The following RGS6 variants were observed in gnomAD, a reference collection of about 807,000 sequenced individuals.
RGS6 encodes regulator of G protein signaling 6.
Under a neutral mutation model 78.5 loss-of-function variants are expected in RGS6, and 30 were observed. The observed-to-expected ratio is 0.38, with a 90% CI of 0.29 to 0.52. The LOEUF (loss-of-function observed/expected upper bound fraction) is 0.52, where lower values mean the gene tolerates loss of function less well. Among genes scored for constraint, RGS6 ranks in the 20% least tolerant of loss-of-function variants. The pLI is 0.85. For synonymous variants in RGS6, 206 were observed against 206.0 expected (o/e 1.00, Z 0.00); for missense variants, 495 against 609.7 (o/e 0.81, Z 1.98).
At chr14:72,059,303 G>A (rs2093773830) in intron 2 of RGS6, among the ~76,000 whole-genome samples, 1 of 152,178 alleles carries the variant, frequency 6.6e-6, no homozygotes, top group Admixed American at 6.5e-5. Context: ...TCTTGTATGT[G>A]TATATCTGCT....
chr14:72,398,498 A>T (rs2091849743), intron 3 of RGS6, among the ~76,000 whole-genome samples: 1 of 152,090 alleles, frequency 6.6e-6, no homozygotes, highest in Non-Finnish European at 1.5e-5. Context: ...TTTTCAAAAA[A>T]CCAGCTCCTG....
At chr14:72,309,540 G>T (rs2068058277) in intron 2 of RGS6, among the ~76,000 whole-genome samples, 1 of 152,220 alleles carries the variant, frequency 6.6e-6, no homozygotes, top group African/African-American at 2.4e-5. Flanking sequence ...TTGGTAGTTT[G>T]TATATTTGCA....
rs116815230 is a variant in RGS6, at chr14:72,010,748, A to G, written c.84+45873A>G. On this transcript the variant is annotated intron_variant, in intron 2 of 17. Coordinates refer to ENST00000553525, the MANE Select transcript of RGS6 (RefSeq NM_001204424.2). ...TAATTTTCCAAACAGGGCAGTTTCA[A>G]TCTTCAATCAGCCTGATGAAGTTCT... Among the ~76,000 whole-genome samples, 213 of 152,370 alleles carry G rather than the reference A, an allele frequency of 1.4e-3. 2 individuals carry two copies. Among genetic ancestry groups the G allele is most frequent in the African/African-American group, 4.8e-3 (198 of 41,594 alleles).
At chr14:72,274,570 A>G (rs2060401206) in intron 2 of RGS6, among the ~76,000 whole-genome samples, 1 of 152,224 alleles carries the variant, frequency 6.6e-6, no homozygotes, top group Non-Finnish European at 1.5e-5. Flanking sequence ...TGCATATGTT[A>G]CCTTATGTGG....
chr14:72,004,747 C>T (rs1298741139), intron 2 of RGS6, among the ~76,000 whole-genome samples: 2 of 152,034 alleles, frequency 1.3e-5, no homozygotes, highest in Non-Finnish European at 2.9e-5. Context: ...ATCACTTGAC[C>T]CCCAGGAGGT....
At chr14:72,165,444 C>T in intron 2 of RGS6, among the ~76,000 whole-genome samples, 1 of 152,202 alleles carries the variant, frequency 6.6e-6, no homozygotes, top group East Asian at 1.9e-4. Context: ...CTCCTACCAC[C>T]TTAGCTGCAA....
intron 2 of RGS6, among the ~76,000 whole-genome samples, chr14:72,142,009 C>T (rs2877792): frequency 0.25 from 38,453 of 151,952 alleles, 5,179 homozygotes; most frequent in Middle Eastern, 0.31. Flanking sequence ...TCTCTTGAGG[C>T]TTACTGTTTA....
chr14:72,084,166 A>G (rs1227605745), intron 2 of RGS6, among the ~76,000 whole-genome samples: 1 of 152,156 alleles, frequency 6.6e-6, no homozygotes, highest in Non-Finnish European at 1.5e-5. Flanking sequence ...TTCAGGATGA[A>G]ACTGTTCCCC....
chr14:71,950,113 G>A (rs1456935423), intron 1 of RGS6, among the ~76,000 whole-genome samples: 1 of 151,988 alleles, frequency 6.6e-6, no homozygotes, highest in Non-Finnish European at 1.5e-5. Flanking sequence ...CCTCTAGTTT[G>A]TTCTTATTTA....
chr14:72,515,383 C>T (rs907691539), intron 14 of RGS6, among the ~76,000 whole-genome samples: 1 of 152,196 alleles, frequency 6.6e-6, no homozygotes, highest in African/African-American at 2.4e-5. Context: ...TTTGATTCCG[C>T]GGCCTGGTGC....
intron 4 of RGS6, among the ~76,000 whole-genome samples, chr14:72,455,614 C>G (rs1330338646): frequency 6.6e-6 from 1 of 152,178 alleles, no homozygotes; most frequent in Non-Finnish European, 1.5e-5. Flanking sequence ...TCTTTTCACC[C>G]CCTTGATTAG....
chr14:71,895,756 T>C, the RGS6 span, among the ~76,000 whole-genome samples: 1 of 152,130 alleles, frequency 6.6e-6, no homozygotes, highest in Non-Finnish European at 1.5e-5. Context: ...GAGCCATTAG[T>C]ATTCCTTGGC....
intron 2 of RGS6, among the ~76,000 whole-genome samples, chr14:72,031,199 CT>C (rs1409193465): frequency 6.6e-6 from 1 of 152,018 alleles, no homozygotes; most frequent in African/African-American, 2.4e-5. Context: ...AGAATTCCCC[CT>C]GAAATTTTTT....
chr14:72,272,275 C>G (rs2060059408), intron 2 of RGS6, among the ~76,000 whole-genome samples: 1 of 152,132 alleles, frequency 6.6e-6, no homozygotes, highest in African/African-American at 2.4e-5. Flanking sequence ...TCACCATACT[C>G]AATGCAATTG....
chr14:72,340,366 A>T (rs182353109), intron 2 of RGS6, among the ~76,000 whole-genome samples: 3 of 152,240 alleles, frequency 2.0e-5, no homozygotes, highest in Admixed American at 2.0e-4. Flanking sequence ...AGGAAATGGT[A>T]AAAAGAAGGA....
the RGS6 span, among the ~76,000 whole-genome samples, chr14:71,875,651 C>G: frequency 0.36 from 54,619 of 151,890 alleles, 9,933 homozygotes; most frequent in South Asian, 0.43. Flanking sequence ...TCCTTCAGTT[C>G]TGCTCTGATC....
At chr14:72,330,068 T>C (rs1476857138) in intron 2 of RGS6, among the ~76,000 whole-genome samples, 9 of 152,236 alleles carry the variant, frequency 5.9e-5, no homozygotes, top group Admixed American at 5.2e-4. Context: ...CAGTCAACGT[T>C]AGTGAGGGAC....
chr14:72,476,857 C>T lies in RGS6; in HGVS notation c.792+17C>T. 1 of 1,601,250 alleles carries T rather than the reference C, an allele frequency of 6.2e-7. No homozygotes were observed. Among genetic ancestry groups the T allele is most frequent in the Non-Finnish European group, 8.6e-7 (1 of 1,168,232 alleles). On this transcript the variant is annotated intron_variant, in intron 11 of 17. Coordinates refer to ENST00000553525, the MANE Select transcript of RGS6 (RefSeq NM_001204424.2). ...CGGAAACAGGTGAATGAATTGACAGCTTGCACTCTCAGGAGGAGACGTGGC... is the reference window on the plus strand; with the variant it reads ...CGGAAACAGGTGAATGAATTGACAGTTTGCACTCTCAGGAGGAGACGTGGC...
chr14:72,190,215 C>T (rs891939085), intron 2 of RGS6, among the ~76,000 whole-genome samples: 2 of 152,182 alleles, frequency 1.3e-5, no homozygotes, highest in Non-Finnish European at 2.9e-5. Flanking sequence ...GAGGGAAGCA[C>T]AAGGAACTCA....
Sources: gnomAD v4.1 joint callset for allele counts (sites outside exome capture counted in the v4.1 genomes callset) on GRCh38, gnomAD v4.1.1 for gene constraint, MANE v1.5 for transcripts, NCBI Gene and HGNC (gene_info 2026-07-23, HGNC 2026-07-21) for gene names.